PRKN: variants seen among roughly 807,000 people sequenced by gnomAD.
PRKN encodes the protein parkin RBR E3 ubiquitin protein ligase.
Under a neutral mutation model 59.5 loss-of-function variants are expected in PRKN, and 56 were observed. That is an observed-to-expected ratio of 0.94 (90% CI 0.76 to 1.18). The LOEUF is 1.18. Ranked by LOEUF, PRKN falls within the 50% of genes most tolerant of loss-of-function variation. The pLI, the probability that PRKN is intolerant of heterozygous loss-of-function variation, is 0.00. For missense variants in PRKN, 657 were observed against 596.4 expected (o/e 1.10, Z -1.06); for synonymous variants, 250 against 222.1 (o/e 1.13, Z -1.12).
At chr6:162,556,368 T>TGTGTGCGCGC (rs1554243452) in intron 1 of PRKN, among the ~76,000 whole-genome samples, 113 of 98,126 alleles carry the variant, frequency 1.2e-3, no homozygotes, top group Non-Finnish European at 2.0e-3. Flanking sequence ...TGTGTGTGTG[T>TGTGTGCGCGC]GTGTGTGTGT....
rs61537965 is a variant in PRKN at position 161,946,414 on chromosome 6, A to ACT, written c.734+26886_734+26887dup. ...CACACACACACACACACACACACACACTCTCTCTCTCTCTCTCTCTCTCTC... is the reference window on the plus strand; with the variant it reads ...CACACACACACACACACACACACACACTCTCTCTCTCTCTCTCTCTCTCTCTC... On this transcript the variant is annotated intron_variant, in intron 6 of 11. Coordinates refer to ENST00000366898, the MANE Select transcript of PRKN (RefSeq NM_004562.3). Among the ~76,000 whole-genome samples, 1,402 of 114,378 alleles carry ACT rather than the reference A, an allele frequency of 0.012. 67 individuals are homozygous for ACT. The East Asian group carries it at 0.15, about 13-fold the overall frequency. The allele number at this position is 114,378 out of a possible 152,430, so 75.0% of individuals were successfully genotyped here.
chr6:162,442,867 C>T (rs746845967), intron 2 of PRKN, among the ~76,000 whole-genome samples: 5 of 152,194 alleles, frequency 3.3e-5, no homozygotes, highest in South Asian at 2.1e-4. Flanking sequence ...AGCATAGCAG[C>T]AGCCCTCACT....
intron 1 of PRKN, among the ~76,000 whole-genome samples, chr6:162,506,036 T>C (rs1583687583): frequency 6.6e-6 from 1 of 152,234 alleles, no homozygotes; most frequent in African/African-American, 2.4e-5. Context: ...CTCAGTTTTC[T>C]AGGACTTGAT....
Position 161,473,566 on chromosome 6 carries a change from G to A in PRKN, c.1083+75288C>T, listed in dbSNP as rs778491589. 6.6e-6 allele frequency among the ~76,000 whole-genome samples: 1 copy of A among 151,874 alleles called. No individual in the cohort carries two copies. The highest frequency in any genetic ancestry group is 1.5e-5 in the Non-Finnish European group (1 of 67,992). ...GAGACAGAATAAAATGGTGGTTACC[G>A]GAAGTGGTGGGGGGAATTGTGGCAG... On this transcript the variant is annotated intron_variant, in intron 9 of 11. Transcript: ENST00000366898. The surrounding 1 kb of genome is among the most constrained non-coding windows in gnomAD (Gnocchi z 4.1).
intron 1 of PRKN, among the ~76,000 whole-genome samples, chr6:162,550,323 T>TA (rs1231546335): frequency 6.6e-6 from 1 of 151,930 alleles, no homozygotes; most frequent in African/African-American, 2.4e-5. Flanking sequence ...GAGAAAGAAA[T>TA]AGAGCGTCTG....
chr6:162,157,159 T>C (rs1782548760), intron 4 of PRKN, among the ~76,000 whole-genome samples: 1 of 151,948 alleles, frequency 6.6e-6, no homozygotes, highest in Non-Finnish European at 1.5e-5. Flanking sequence ...AATCTCGGAT[T>C]ACCTTCCTAC....
intron 1 of PRKN, among the ~76,000 whole-genome samples, chr6:162,556,366 T>TGTGTGTGCGC (rs760574593): frequency 0.057 from 5,621 of 98,310 alleles, 243 homozygotes; most frequent in South Asian, 0.17. Context: ...TGTGTGTGTG[T>TGTGTGTGCGC]GTGTGTGTGT....
In PRKN at chr6:161,899,431, T is replaced by A. The variant is rs79185556; in HGVS notation, c.734+73871A>T. Among the ~76,000 whole-genome samples the A allele has an allele frequency of 1.7e-4, 26 of 152,306 alleles. No homozygotes were observed. The East Asian group carries it at 5.0e-3, about 29-fold the overall frequency. ...CTTGGGAAAAACCAAAAATAATATG[T>A]AGGTAATATTTTGCAATTTTATCAA... On this transcript the variant is annotated intron_variant, in intron 6 of 11. Transcript: ENST00000366898.
chr6:161,991,555 C>T (rs1230743291), intron 5 of PRKN, among the ~76,000 whole-genome samples: 2 of 152,136 alleles, frequency 1.3e-5, no homozygotes, highest in Non-Finnish European at 2.9e-5. Context: ...AAAAATGGCC[C>T]AACTGGCCAG....
intron 6 of PRKN, among the ~76,000 whole-genome samples, chr6:161,799,208 G>A (rs1790978336): frequency 6.6e-6 from 1 of 152,194 alleles, no homozygotes; most frequent in Non-Finnish European, 1.5e-5. Flanking sequence ...GTTCGAGGCT[G>A]TTGACTCCAC....
chr6:161,416,377 C>CT, intron 9 of PRKN, among the ~76,000 whole-genome samples: 1 of 152,248 alleles, frequency 6.6e-6, no homozygotes, highest in East Asian at 1.9e-4. Flanking sequence ...GGGGCAGGAA[C>CT]TTTGTTTCTT....
chr6:162,671,387 T>C (rs536933834), intron 1 of PRKN, among the ~76,000 whole-genome samples: 6 of 151,402 alleles, frequency 4.0e-5, no homozygotes, highest in Admixed American at 4.0e-4. Context: ...TAGTCCCAGC[T>C]ACTCACGAGG....
chr6:161,361,079 G>A lies in PRKN; in HGVS notation c.1168-874C>T, dbSNP rs1306457003. Among the ~76,000 whole-genome samples the A allele has an allele frequency of 6.6e-6, 1 of 151,894 alleles. No individual in the cohort carries two copies. The highest frequency in any genetic ancestry group is 1.9e-4 in the East Asian group (1 of 5,186). On this transcript the variant is annotated intron_variant, in intron 10 of 11. Coordinates refer to ENST00000366898, the MANE Select transcript of PRKN (RefSeq NM_004562.3). This position sits in a 1 kb window ranked among gnomAD's most constrained non-coding sequence, Gnocchi z 5.2. ...TATAAGGAGGTTTTCTGGTGGGGGT[G>A]GAAGCAAGAGGTCCTGGGCTAGCTG... is the stretch of plus-strand genomic sequence containing the variant.
intron 5 of PRKN, among the ~76,000 whole-genome samples, chr6:161,983,850 T>C (rs1314479046): frequency 2.5e-5 from 3 of 119,954 alleles, no homozygotes; most frequent in Non-Finnish European, 5.3e-5. Context: ...GGCACATGTA[T>C]ACATATGTAA....
intron 2 of PRKN, among the ~76,000 whole-genome samples, chr6:162,409,296 T>C (rs1056026720): frequency 4.0e-5 from 6 of 151,880 alleles, no homozygotes; most frequent in Admixed American, 2.6e-4. Context: ...TCCTGAGTAG[T>C]TGGAACTACA....
At chr6:161,657,303 T>C (rs2128164147) in intron 7 of PRKN, among the ~76,000 whole-genome samples, 1 of 152,358 alleles carries the variant, frequency 6.6e-6, no homozygotes, top group Admixed American at 6.5e-5. Context: ...GTCTTCTCTC[T>C]GGCTGGCTTC....
In PRKN at chr6:162,056,204, T is replaced by G. The variant is rs550154798; in HGVS notation, c.535-2030A>C. Among the ~76,000 whole-genome samples the G allele has an allele frequency of 6.9e-6, 1 of 143,998 alleles. No homozygotes were observed. Among genetic ancestry groups the G allele is most frequent in the Non-Finnish European group, 1.5e-5 (1 of 66,508 alleles). 94.5% of individuals were successfully genotyped at this position (143,998 alleles called of 152,430 possible). ...CATAAACACACCACATATGTACATG[T>G]GCACATGTATCCCTCACACCCCACA... On this transcript the variant is annotated intron_variant, in intron 4 of 11. Transcript: ENST00000366898. This position sits in a 1 kb window ranked among gnomAD's most constrained non-coding sequence, Gnocchi z 4.9.
intron 1 of PRKN, among the ~76,000 whole-genome samples, chr6:162,711,016 G>A (rs947658736): frequency 5.9e-5 from 9 of 152,188 alleles, no homozygotes; most frequent in African/African-American, 2.2e-4. Flanking sequence ...TGGAAACAGA[G>A]CTGCTGGTTC....
At chr6:162,231,039 A>G (rs1356015074) in intron 3 of PRKN, among the ~76,000 whole-genome samples, 2 of 152,212 alleles carry the variant, frequency 1.3e-5, no homozygotes, top group Admixed American at 1.3e-4. Context: ...CATTCCATAG[A>G]TAGCTTATCA....
Sources: allele counts gnomAD v4.1 joint callset (sites outside exome capture counted in the v4.1 genomes callset), GRCh38; gene constraint gnomAD v4.1.1; non-coding constraint Gnocchi (gnomAD v3.1); transcripts MANE v1.5; gene names NCBI Gene and HGNC (gene_info 2026-07-23, HGNC 2026-07-21).